ABCA1: variants seen among roughly 807,000 people sequenced by gnomAD.
ABCA1 encodes phospholipid-transporting ATPase ABCA1.
Under a neutral mutation model 262.5 loss-of-function variants are expected in ABCA1, and 133 were observed. The ratio of observed to expected loss-of-function variants is 0.51; its 90% confidence interval spans 0.44 to 0.59. The LOEUF (loss-of-function observed/expected upper bound fraction) is 0.59. Ranked by LOEUF, ABCA1 falls within the 20% of genes least tolerant of loss-of-function variation. The probability of loss-of-function intolerance (pLI) is 0.00; values close to 1 mark genes in which losing one functional copy is unlikely to be tolerated. For synonymous variants in ABCA1, 1,022 were observed against 1,043.5 expected (o/e 0.98, Z 0.40); for missense variants, 2,452 against 2,777.5 (o/e 0.88, Z 2.63).
chr9:104,784,704 CGA>C (rs1828761611), intron 49 of ABCA1, among the ~76,000 whole-genome samples: 1 of 152,142 alleles, frequency 6.6e-6, no homozygotes, highest in Non-Finnish European at 1.5e-5. Flanking sequence ...AGTGCAGTGG[CGA>C]GACCTTGGCT....
intron 7 of ABCA1, among the ~76,000 whole-genome samples, chr9:104,850,060 C>A (rs1459640512): frequency 4.6e-5 from 7 of 152,174 alleles, no homozygotes; most frequent in Non-Finnish European, 8.8e-5. Context: ...TGTTTTATTT[C>A]TTAAATAGAA....
At chr9:104,820,762 G>GC (rs1225575788) in intron 20 of ABCA1, among the ~76,000 whole-genome samples, 7 of 146,190 alleles carry the variant, frequency 4.8e-5, no homozygotes, top group Admixed American at 4.7e-4. Flanking sequence ...AAGGAGGGTG[G>GC]CGGGGGAGAG....
intron 29 of ABCA1, 108 bp from the exon 30 acceptor site, chr9:104,809,672 A>G: frequency 9.9e-7 from 1 of 1,009,976 alleles, no homozygotes; most frequent in Non-Finnish European, 1.5e-6. Context: ...TCTCTGTGAC[A>G]GGCTCTTAAA....
rs559724885 is a variant in ABCA1 at position 104,788,196 on chromosome 9, C to G, written c.6070-142G>C. On this transcript the variant is annotated intron_variant, in intron 45 of 49. Transcript: ENST00000374736. ...CCTGACAACTGGTGAGGAGCCAAAG[C>G]AGGGAGAAGGGACTCGTGTGGTGGG... is the stretch of plus-strand genomic sequence containing the variant. The G allele has an allele frequency of 4.2e-6, 5 of 1,188,366 alleles. No individual in the cohort carries two copies. In the Admixed American group the frequency reaches 6.8e-5, roughly 16 times the overall value. The allele number at this position is 1,188,366 out of a possible 1,614,324, so 73.6% of individuals were successfully genotyped here. A position where few individuals can be genotyped will look rare whatever the true frequency, so the allele number is the denominator to read the frequency against.
At position 104,829,136 on chromosome 9, in the gene ABCA1, A is replaced by C. The variant is rs201434996; in HGVS notation, c.1895T>G (p.Phe632Cys). Residue 632 changes from phenylalanine (F) to cysteine (C), a missense_variant and splice_region_variant, in exon 15 of 50, where the codon TTT (phenylalanine) becomes TGT (cysteine). Physicochemically the swap from Phe to Cys is radical, Grantham distance 205. This residue lies in a region of ABCA1 where 1,032 missense variants were observed against 1,089.7 expected (regional missense o/e 0.95). Coordinates refer to ENST00000374736, the MANE Select transcript of ABCA1 (RefSeq NM_005502.4). ...CATTGACCGGCTCATCACCCGCAGA[A>C]AGCTGGAGGCCCCAAGGAAGGACAA... ...MPYPCYVDDI[F>C]LRVMSRSMPL... The C allele has an allele frequency of 5.6e-6, 9 of 1,614,164 alleles. No homozygotes were observed. The highest frequency in any genetic ancestry group is 7.6e-6 in the Non-Finnish European group (9 of 1,180,022).
chr9:104,788,310 GTGC>G (rs1332028131), intron 45 of ABCA1, 113 bp downstream of exon 45: 6 of 1,268,598 alleles, frequency 4.7e-6, no homozygotes, highest in Non-Finnish European at 6.6e-6. Flanking sequence ...CCAGCATTTT[GTGC>G]TGCTGCATTC....
intron 2 of ABCA1, among the ~76,000 whole-genome samples, chr9:104,901,475 C>T (rs1036691165): frequency 6.6e-6 from 1 of 152,088 alleles, no homozygotes; most frequent in South Asian, 2.1e-4. Context: ...ATGGATAAAC[C>T]ATGGCGGAGA....
intron 2 of ABCA1, among the ~76,000 whole-genome samples, chr9:104,891,509 T>A (rs1039330113): frequency 5.3e-5 from 8 of 151,880 alleles, no homozygotes; most frequent in Non-Finnish European, 1.2e-4. Flanking sequence ...GGCAAGAGAA[T>A]CACTTGAACC....
chr9:104,814,188 G>A lies in ABCA1; in HGVS notation c.3831C>T (p.Asp1277=), dbSNP rs752109871. The change falls in exon 27 of 50, where the codon GAC becomes GAT. Residue 1277 remains aspartate (D), a synonymous_variant. Coordinates refer to ENST00000374736, the MANE Select transcript of ABCA1 (RefSeq NM_005502.4). The part of the protein sequence containing the change: ...PARRNRRAFG[D]KQSCLRPFTE... ...TGAACGGGCGAAGACAGCTCTGCTTGTCCCCGAAGGCCCGCCTGTTTCGTC... is the reference window on the plus strand; with the variant it reads ...TGAACGGGCGAAGACAGCTCTGCTTATCCCCGAAGGCCCGCCTGTTTCGTC... 4.6e-5 allele frequency: 75 copies of A among 1,614,120 alleles called. No individual in the cohort carries two copies. In the Admixed American group the frequency reaches 1.2e-3, roughly 27 times the overall value.
intron 1 of ABCA1, among the ~76,000 whole-genome samples, chr9:104,921,342 G>A (rs553405414): frequency 1.3e-5 from 2 of 152,134 alleles, no homozygotes; most frequent in African/African-American, 4.8e-5. Context: ...TAGAAGAATA[G>A]ATCCAATGCA....
intron 14 of ABCA1, 138 bp downstream of exon 14, chr9:104,830,787 G>A: frequency 1.1e-6 from 1 of 928,240 alleles, no homozygotes; most frequent in South Asian, 1.3e-5. Context: ...TCTGTCATGT[G>A]GCTGCAACTG....
intron 2 of ABCA1, among the ~76,000 whole-genome samples, chr9:104,899,821 A>T (rs570687900): frequency 6.6e-6 from 1 of 152,344 alleles, no homozygotes; most frequent in Admixed American, 6.5e-5. Context: ...AGTTTGTTCC[A>T]TGGGGACCTT....
chr9:104,889,196 C>A lies in ABCA1; in HGVS notation c.67-1G>T. On this transcript the variant is annotated splice_acceptor_variant, in intron 2 of 49. Transcript: ENST00000374736. LOFTEE classifies it high-confidence loss of function. ...AGGCCACTTCCAGCAGCAGCTGACA[C>A]TGAGTGGGAAATAAGATAGAACACT... 5 of 1,613,960 alleles carry A rather than the reference C, an allele frequency of 3.1e-6. No homozygotes were observed. Among genetic ancestry groups the A allele is most frequent in the Non-Finnish European group, 4.2e-6 (5 of 1,179,876 alleles).
chr9:104,924,119 C>A (rs1196728347), intron 1 of ABCA1, among the ~76,000 whole-genome samples: 1 of 152,124 alleles, frequency 6.6e-6, no homozygotes, highest in Non-Finnish European at 1.5e-5. Context: ...AGTGTCTATT[C>A]AACACTGCAA....
chr9:104,797,395 T>A (rs1026853921), intron 37 of ABCA1, among the ~76,000 whole-genome samples: 3 of 152,222 alleles, frequency 2.0e-5, no homozygotes, highest in Admixed American at 2.0e-4. Context: ...CAATCATTTG[T>A]GTGAAATGGA....
intron 33 of ABCA1, 66 bp from the exon 34 acceptor site, chr9:104,802,225 AGTGCG>A: frequency 7.1e-7 from 1 of 1,402,496 alleles, no homozygotes. Context: ...CAGCAGACTC[AGTGCG>A]AGTGTGTACA....
intron 5 of ABCA1, among the ~76,000 whole-genome samples, chr9:104,873,241 A>C (rs1837789358): frequency 6.6e-6 from 1 of 152,270 alleles, no homozygotes; most frequent in African/African-American, 2.4e-5. Context: ...TAATGTTGAC[A>C]CATGTATCAC....
At chr9:104,812,514 T>A in intron 28 of ABCA1, 60 bp downstream of exon 28, 3 of 1,609,924 alleles carry the variant, frequency 1.9e-6, no homozygotes, top group Non-Finnish European at 1.7e-6. Context: ...CCTTCACTGG[T>A]CACAGAGCCT....
In ABCA1 at chr9:104,781,108, T is replaced by A. The variant is rs1261512572; in HGVS notation, c.*3207A>T. On this transcript the variant is annotated 3_prime_UTR_variant, in exon 50 of 50. Coordinates refer to ENST00000374736, the MANE Select transcript of ABCA1 (RefSeq NM_005502.4). ...CATATAAAGTTATTGACATACAAAA[T>A]TTTTTTTCTTTTTTCCTTTTAATGA... 1.3e-5 allele frequency: 2 copies of A among 151,904 alleles called. No individual in the cohort carries two copies. The highest frequency in any genetic ancestry group is 2.9e-5 in the Non-Finnish European group (2 of 67,950). 9.4% of individuals were successfully genotyped at this position (151,904 alleles called of 1,614,324 possible).
Sources: gnomAD v4.1 joint callset for allele counts (sites outside exome capture counted in the v4.1 genomes callset) on GRCh38, gnomAD v4.1.1 for gene constraint, gnomAD v4.1.1 regional missense constraint, MANE v1.5 for transcripts, NCBI Gene and HGNC (gene_info 2026-07-23, HGNC 2026-07-21) for gene names.